The following EXOC6 variants were observed in gnomAD, a reference collection of about 807,000 sequenced individuals.
EXOC6 encodes SEC15-like 1.
EXOC6 carries 60 observed loss-of-function variants against 112.5 expected under a neutral mutation model. That is an observed-to-expected ratio of 0.53 (90% CI 0.43 to 0.66). The LOEUF (loss-of-function observed/expected upper bound fraction) is 0.66, where lower values mean the gene tolerates loss of function less well. Among genes scored for constraint, EXOC6 ranks in the 30% least tolerant of loss-of-function variants. The pLI, the probability that EXOC6 is intolerant of heterozygous loss-of-function variation, is 0.00. For missense variants in EXOC6, 855 were observed against 957.1 expected, an observed-to-expected ratio of 0.89 and a Z score of 1.41; for synonymous variants, 295 against 308.0, an observed-to-expected ratio of 0.96 and a Z score of 0.44.
chr10:92,831,464 C>T (rs1416175773), upstream of EXOC6: 2 of 547,776 alleles, frequency 3.7e-6, no homozygotes, highest in African/African-American at 4.0e-5. Context: ...GTTGGAGTCT[C>T]ACTCTGTCAC....
At chr10:93,053,382 A>G (rs937204847) in intron 20 of EXOC6, among the ~76,000 whole-genome samples, 1 of 152,244 alleles carries the variant, frequency 6.6e-6, no homozygotes, top group African/African-American at 2.4e-5. Context: ...ATAGAACTGA[A>G]TTATAAAAAG....
chr10:93,041,270 G>A (rs1365431723), intron 20 of EXOC6, among the ~76,000 whole-genome samples: 1 of 151,982 alleles, frequency 6.6e-6, no homozygotes, highest in African/African-American at 2.4e-5. Context: ...CTATGTACCT[G>A]TCTGTCCCAA....
intron 1 of EXOC6, among the ~76,000 whole-genome samples, chr10:92,889,377 C>T (rs749012457): frequency 1.3e-5 from 2 of 152,090 alleles, no homozygotes; most frequent in Non-Finnish European, 2.9e-5. Context: ...AGAGATTTCC[C>T]ATATATTCCC....
chr10:92,949,030 A>T (rs1367255327), intron 14 of EXOC6, among the ~76,000 whole-genome samples: 1 of 152,210 alleles, frequency 6.6e-6, no homozygotes, highest in Non-Finnish European at 1.5e-5. Context: ...ACGTGCAAAC[A>T]TGCACCCTTG....
intron 1 of EXOC6, among the ~76,000 whole-genome samples, chr10:92,868,773 C>G (rs1041732338): frequency 6.6e-6 from 1 of 150,466 alleles, no homozygotes; most frequent in African/African-American, 2.4e-5. Flanking sequence ...TAATTGGGCC[C>G]TCCCTTCCTT....
chr10:92,859,196 C>G (rs997586036), intron 1 of EXOC6, among the ~76,000 whole-genome samples: 2 of 152,106 alleles, frequency 1.3e-5, no homozygotes, highest in East Asian at 3.8e-4. Flanking sequence ...TGATTCCTTC[C>G]ACCCCATAAC....
At chr10:92,896,369 G>C (rs1849826027) in intron 4 of EXOC6, among the ~76,000 whole-genome samples, 1 of 148,118 alleles carries the variant, frequency 6.8e-6, no homozygotes, top group South Asian at 2.1e-4. Flanking sequence ...CCTAATTTTT[G>C]TATTTACAGT....
At chr10:93,021,968 A>G (rs1844813910) in intron 20 of EXOC6, among the ~76,000 whole-genome samples, 1 of 152,204 alleles carries the variant, frequency 6.6e-6, no homozygotes, top group African/African-American at 2.4e-5. Context: ...AACTGTTCAT[A>G]AGGATTCTGT....
intron 18 of EXOC6, among the ~76,000 whole-genome samples, chr10:92,995,908 T>A (rs1433764936): frequency 6.6e-6 from 1 of 152,228 alleles, no homozygotes; most frequent in Non-Finnish European, 1.5e-5. Flanking sequence ...AAAAGTTGTT[T>A]GTTTCTAGTC....
At chr10:93,031,101 A>G (rs1158885736) in intron 20 of EXOC6, among the ~76,000 whole-genome samples, 1 of 152,164 alleles carries the variant, frequency 6.6e-6, no homozygotes, top group Admixed American at 6.5e-5. Flanking sequence ...GCAGAAAGAG[A>G]AGGAGGTAGA....
intron 14 of EXOC6, among the ~76,000 whole-genome samples, chr10:92,950,438 A>G (rs1316403026): frequency 6.6e-6 from 1 of 152,218 alleles, no homozygotes; most frequent in Non-Finnish European, 1.5e-5. Context: ...AATATCATTA[A>G]AATAATTTCA....
At chr10:92,852,083 A>G (rs775732948) in intron 1 of EXOC6, among the ~76,000 whole-genome samples, 1 of 152,242 alleles carries the variant, frequency 6.6e-6, no homozygotes, top group Non-Finnish European at 1.5e-5. Flanking sequence ...AAATGTATAT[A>G]TATTATGAAC....
chr10:92,856,389 A>G (rs992241904), intron 1 of EXOC6, among the ~76,000 whole-genome samples: 1 of 151,942 alleles, frequency 6.6e-6, no homozygotes, highest in Non-Finnish European at 1.5e-5. Context: ...ACTTTTTGGC[A>G]TGTGTGTTTT....
At position 92,955,509 on chromosome 10, in the gene EXOC6, C is replaced by T. The variant is rs573176764; in HGVS notation, c.1639-71C>T. The T allele has an allele frequency of 9.2e-5, 115 of 1,251,254 alleles. 1 individual carries two copies. In the South Asian group the frequency reaches 1.5e-3, roughly 16 times the overall value. The allele number at this position is 1,251,254 out of a possible 1,614,324, so 77.5% of individuals were successfully genotyped here. ...GTACAGTTGCTGGAAGTAATAATCCCATTTTTAAAAATTAGGTGATTTTAC... is the reference window on the plus strand; with the variant it reads ...GTACAGTTGCTGGAAGTAATAATCCTATTTTTAAAAATTAGGTGATTTTAC... On this transcript the variant is annotated intron_variant, in intron 16 of 21. Transcript: ENST00000260762.
At chr10:93,005,542 A>C (rs1767412763) in intron 19 of EXOC6, among the ~76,000 whole-genome samples, 1 of 152,192 alleles carries the variant, frequency 6.6e-6, no homozygotes, top group Non-Finnish European at 1.5e-5. Flanking sequence ...TCTTCTAAAC[A>C]AGTTCTTACA....
rs1779221941 is a variant in EXOC6 at position 92,987,615 on chromosome 10, T to G, written c.1954-9859T>G. 3 of 984,956 alleles carry G rather than the reference T, an allele frequency of 3.0e-6. No individual in the cohort carries two copies. In the South Asian group the frequency reaches 1.4e-4, roughly 46 times the overall value. 61.0% of individuals were successfully genotyped at this position (984,956 alleles called of 1,614,324 possible). A position where few individuals can be genotyped will look rare whatever the true frequency, so the allele number is the denominator to read the frequency against. On this transcript the variant is annotated intron_variant, in intron 18 of 21. Transcript: ENST00000260762. ...TGCCTTGCTGACTTCCTTCTCAGAC[T>G]AACAACAATGATCATGCAGCCATGT...
chr10:92,976,709 C>T (rs1288203841), intron 18 of EXOC6, among the ~76,000 whole-genome samples: 2 of 150,588 alleles, frequency 1.3e-5, no homozygotes, highest in African/African-American at 4.9e-5. Context: ...AATGGCTTTT[C>T]CAGTTAGAAA....
At chr10:92,981,018 C>G (rs1405237927) in intron 18 of EXOC6, among the ~76,000 whole-genome samples, 2 of 152,126 alleles carry the variant, frequency 1.3e-5, no homozygotes, top group East Asian at 3.9e-4. Flanking sequence ...CAGAGCACGA[C>G]TCTGTCTTAC....
Position 92,893,379 on chromosome 10 carries a change from C to T in EXOC6, c.132C>T (p.His44=), listed in dbSNP as rs780890935. 6.2e-7 allele frequency: 1 copy of T among 1,611,738 alleles called. No individual in the cohort carries two copies. Among genetic ancestry groups the T allele is most frequent in the South Asian group, 1.1e-5 (1 of 90,776 alleles). Residue 44 remains histidine (H), a synonymous_variant, in exon 2 of 22, where the codon CAC becomes CAT. Coordinates refer to ENST00000260762, the MANE Select transcript of EXOC6 (RefSeq NM_019053.6). ...TGTATGATGACCAACCAAATGCGCA[C>T]AAGAAGTTTATGGAAAAGTTAGATG... The part of the protein sequence containing the change: ...RSVYDDQPNA[H]KKFMEKLDAC...
Sources: allele counts gnomAD v4.1 joint callset (sites outside exome capture counted in the v4.1 genomes callset), GRCh38; gene constraint gnomAD v4.1.1; transcripts MANE v1.5; gene names NCBI Gene and HGNC (gene_info 2026-07-23, HGNC 2026-07-21).